The following CHD2 variants were observed in gnomAD, a reference collection of about 807,000 sequenced individuals.
CHD2 encodes chromodomain helicase DNA binding protein 2.
A neutral mutation model predicts 243.9 loss-of-function variants in CHD2; 28 were observed. That is an observed-to-expected ratio of 0.11 (90% CI 0.09 to 0.16). CHD2 has a LOEUF of 0.16. Ranked by LOEUF, CHD2 falls within the 10% of genes least tolerant of loss-of-function variation. The probability of loss-of-function intolerance (pLI) is 1.00; values close to 1 mark genes in which losing one functional copy is unlikely to be tolerated. For missense variants in CHD2, 1,386 were observed against 2,209.8 expected, an observed-to-expected ratio of 0.63 and a Z score of 7.47; for synonymous variants, 775 against 779.0, an observed-to-expected ratio of 0.99 and a Z score of 0.09.
chr15:92,981,808 A>G (rs1319292968), intron 24 of CHD2, among the ~76,000 whole-genome samples: 3 of 152,224 alleles, frequency 2.0e-5, no homozygotes, highest in Non-Finnish European at 2.9e-5. Flanking sequence ...AAGATAGGAA[A>G]AGAGTAGATG....
chr15:92,946,044 G>C lies in CHD2; in HGVS notation c.1205G>C (p.Ser402Thr). 1 of 1,578,710 alleles carries C rather than the reference G, an allele frequency of 6.3e-7. No individual in the cohort carries two copies. The change falls in exon 12 of 39, where the codon AGT becomes ACT. Residue 402 changes from serine to threonine, a missense_variant. Physicochemically the swap from Ser to Thr is moderately conservative, Grantham distance 58. This residue lies in a region of CHD2 where 200 missense variants were observed against 292.5 expected (regional missense o/e 0.68). Coordinates refer to ENST00000394196, the MANE Select transcript of CHD2 (RefSeq NM_001271.4). ...TLGQTDFPAH[S>T]RKPAPSNEPE... ...TTTTTTTTATATGAAATAGCTCATA[G>C]TCGGAAGCCGGCACCCTCAAATGAG...
chr15:92,959,356 CTGT>C (rs1276791608), intron 16 of CHD2, among the ~76,000 whole-genome samples: 1 of 152,212 alleles, frequency 6.6e-6, no homozygotes, highest in Non-Finnish European at 1.5e-5. Context: ...TGCCTTGACA[CTGT>C]TGTTGAAACT....
At chr15:92,938,938 A>G (rs1326435511) in intron 6 of CHD2, among the ~76,000 whole-genome samples, 1 of 152,188 alleles carries the variant, frequency 6.6e-6, no homozygotes, top group Non-Finnish European at 1.5e-5. Context: ...ACTTATGTAT[A>G]GTTACTTCTT....
intron 2 of CHD2, chr15:92,904,847 A>T (rs2052589684): frequency 1.3e-6 from 2 of 1,522,700 alleles, no homozygotes; most frequent in Non-Finnish European, 1.8e-6. Context: ...TTTGAGTGTC[A>T]GAGGCGGATA....
At chr15:92,901,683 T>G in intron 2 of CHD2, 1 of 354,990 alleles carries the variant, frequency 2.8e-6, no homozygotes, top group Non-Finnish European at 5.0e-6. Context: ...GCAAATTTTT[T>G]CTTTGAAGAA....
intron 2 of CHD2, among the ~76,000 whole-genome samples, chr15:92,913,975 C>A (rs2052788633): frequency 6.6e-6 from 1 of 152,210 alleles, no homozygotes; most frequent in Admixed American, 6.5e-5. Context: ...CCTCTTACTC[C>A]CATGACGTTA....
At chr15:92,931,048 T>C (rs1267152624) in intron 5 of CHD2, among the ~76,000 whole-genome samples, 1 of 152,212 alleles carries the variant, frequency 6.6e-6, no homozygotes, top group Non-Finnish European at 1.5e-5. Context: ...TTGTAGCTGC[T>C]GACACTCAAG....
Position 92,944,694 on chromosome 15 carries a change from A to G in CHD2, c.1153+179A>G, listed in dbSNP as rs2053434128. 4 of 366,706 alleles carry G rather than the reference A, an allele frequency of 1.1e-5. No homozygotes were observed. The South Asian group carries it at 2.7e-4, about 25-fold the overall frequency. The allele number at this position is 366,706 out of a possible 1,614,324, so 22.7% of individuals were successfully genotyped here. A position where few individuals can be genotyped will look rare whatever the true frequency, so the allele number is the denominator to read the frequency against. On this transcript the variant is annotated intron_variant, in intron 10 of 38. Transcript: ENST00000394196. ...TTTGGATGTGGGGGATGAGAGAAAG[A>G]GGTGTTAAGTATGACCTCAAGATTT...
chr15:92,967,833 TCTAAAAAATTTTAATAATTCCTTAA>T (rs2053787520), intron 17 of CHD2, among the ~76,000 whole-genome samples: 1 of 152,140 alleles, frequency 6.6e-6, no homozygotes, highest in Non-Finnish European at 1.5e-5. Flanking sequence ...TGTTGTTATG[TCTAAAAAATTTTAATAATTCCTTAA>T]CAGTTTCGTA....
At chr15:93,004,060 G>C (rs561091510) in intron 33 of CHD2, among the ~76,000 whole-genome samples, 3 of 150,254 alleles carry the variant, frequency 2.0e-5, no homozygotes, top group South Asian at 4.2e-4. Context: ...GGAGGCAGAG[G>C]TTGCAGTGAG....
chr15:92,921,158 A>T (rs1312859526), intron 2 of CHD2, among the ~76,000 whole-genome samples: 1 of 152,090 alleles, frequency 6.6e-6, no homozygotes, highest in Non-Finnish European at 1.5e-5. Flanking sequence ...TGAGCTTAGG[A>T]TAGGAGACCA....
chr15:92,997,187 G>A lies in CHD2; in HGVS notation c.3735-66G>A, dbSNP rs888306726. The A allele has an allele frequency of 6.2e-7, 1 of 1,607,108 alleles. No individual in the cohort carries two copies. On this transcript the variant is annotated intron_variant, in intron 29 of 38. Transcript: ENST00000394196. The surrounding 1 kb of genome is among the most constrained non-coding windows in gnomAD (Gnocchi z 4.1). ...TGTGTAGTTCCATAGTATTTTTACT[G>A]TCTCTTCTTTAACATACCAAAAAGG... is the stretch of plus-strand genomic sequence containing the variant.
intron 34 of CHD2, among the ~76,000 whole-genome samples, chr15:93,006,112 GTC>G (rs1470318333): frequency 1.4e-5 from 2 of 146,390 alleles, no homozygotes; most frequent in African/African-American, 2.5e-5. Context: ...TGCTTTTTCT[GTC>G]TCTCTCTCTC....
At position 92,989,369 on chromosome 15, in the gene CHD2, G is replaced by A. The variant is rs571615812; in HGVS notation, c.3414-2107G>A. ...TTCTATATGTCCCGTAATTTTTCCC[G>A]TGAAAAACTGGACATTTTAAATCAT... On this transcript the variant is annotated intron_variant, in intron 26 of 38. Transcript: ENST00000394196. Among the ~76,000 whole-genome samples the A allele has an allele frequency of 1.6e-4, 25 of 152,092 alleles. No individual in the cohort carries two copies. In the East Asian group the frequency reaches 2.1e-3, roughly 13 times the overall value.
intron 2 of CHD2, among the ~76,000 whole-genome samples, chr15:92,918,809 A>C (rs527835337): frequency 6.7e-6 from 1 of 148,744 alleles, no homozygotes; most frequent in Non-Finnish European, 1.5e-5. Context: ...ATATACACAC[A>C]TATATACACA....
intron 27 of CHD2, among the ~76,000 whole-genome samples, chr15:92,992,448 A>G (rs1176315471): frequency 6.6e-6 from 1 of 152,234 alleles, no homozygotes; most frequent in Non-Finnish European, 1.5e-5. Context: ...AGAAGTAGCT[A>G]TACTCTGCTT....
chr15:92,949,758 C>T (rs538503766), intron 13 of CHD2, among the ~76,000 whole-genome samples: 13 of 152,186 alleles, frequency 8.5e-5, no homozygotes, highest in African/African-American at 2.4e-4. Context: ...GCTTGTTCCT[C>T]GGTGCTGAAA....
chr15:93,016,769 G>C (rs1229073577), intron 37 of CHD2, among the ~76,000 whole-genome samples: 1 of 15,526 alleles, frequency 6.4e-5, no homozygotes, highest in Admixed American at 1.8e-3. Flanking sequence ...GCAATAGAGT[G>C]AGACCGTCTC....
At position 92,980,810 on chromosome 15, in the gene CHD2, C is replaced by T. The variant is rs1248829265; in HGVS notation, c.2877-5C>T. 2 of 1,606,610 alleles carry T rather than the reference C, an allele frequency of 1.2e-6. No homozygotes were observed. Among genetic ancestry groups the T allele is most frequent in the Admixed American group, 3.4e-5 (2 of 59,498 alleles). On this transcript the variant is annotated splice_region_variant and splice_polypyrimidine_tract_variant and intron_variant, in intron 22 of 38. Coordinates refer to ENST00000394196, the MANE Select transcript of CHD2 (RefSeq NM_001271.4). ...GTTTCTAACAACTACATTTTACTTC[C>T]ACAGCTCAAATCCTTTTAATAAAGA... is the stretch of plus-strand genomic sequence containing the variant.
Sources: gnomAD v4.1 joint callset for allele counts (sites outside exome capture counted in the v4.1 genomes callset) on GRCh38, gnomAD v4.1.1 for gene constraint, gnomAD v4.1.1 regional missense constraint, Gnocchi (gnomAD v3.1) non-coding constraint, MANE v1.5 for transcripts, NCBI Gene and HGNC (gene_info 2026-07-23, HGNC 2026-07-21) for gene names.